TAF3: variants seen among roughly 807,000 people sequenced by gnomAD.
TAF3 encodes the protein TATA-box binding protein associated factor 3.
Under a neutral mutation model 80.6 loss-of-function variants are expected in TAF3, and 7 were observed. That is an observed-to-expected ratio of 0.09 (90% CI 0.05 to 0.16). TAF3 has a LOEUF of 0.16. TAF3 is among the 10% of genes least tolerant of loss of function. The probability of loss-of-function intolerance (pLI) is 1.00; values close to 1 mark genes in which losing one functional copy is unlikely to be tolerated. For missense variants in TAF3, 921 were observed against 1,140.2 expected, an observed-to-expected ratio of 0.81 and a Z score of 2.77; for synonymous variants, 444 against 446.1, an observed-to-expected ratio of 1.00 and a Z score of 0.06.
chr10:7,965,777 A>G, intron 3 of TAF3, 35 bp downstream of exon 3: 1 of 1,492,954 alleles, frequency 6.7e-7, no homozygotes, highest in Non-Finnish European at 8.9e-7. Flanking sequence ...CTATCTGAAC[A>G]GAGTCCTAGT....
chr10:7,948,783 T>A (rs774274813), intron 2 of TAF3, among the ~76,000 whole-genome samples: 2 of 152,252 alleles, frequency 1.3e-5, no homozygotes, highest in Non-Finnish European at 2.9e-5. Flanking sequence ...AACTAATGTT[T>A]ATCTTACCAG....
intron 2 of TAF3, among the ~76,000 whole-genome samples, chr10:7,958,077 A>G (rs924712595): frequency 6.6e-6 from 1 of 152,240 alleles, no homozygotes; most frequent in African/African-American, 2.4e-5. Context: ...TGATCATTAT[A>G]CACATGCATG....
chr10:7,932,442 CAA>C (rs1246119603), intron 2 of TAF3, among the ~76,000 whole-genome samples: 1 of 151,972 alleles, frequency 6.6e-6, no homozygotes, highest in Non-Finnish European at 1.5e-5. Context: ...ATCCAAAGGT[CAA>C]GAGACAGACT....
At chr10:7,852,097 C>G (rs1837032627) in intron 2 of TAF3, among the ~76,000 whole-genome samples, 1 of 151,976 alleles carries the variant, frequency 6.6e-6, no homozygotes, top group African/African-American at 2.4e-5. Context: ...CCCCCACCAT[C>G]TCCCAGAGAC....
chr10:7,823,835 G>A (rs1327726110), intron 1 of TAF3, among the ~76,000 whole-genome samples: 7 of 151,566 alleles, frequency 4.6e-5, no homozygotes, highest in African/African-American at 9.7e-5. Context: ...GGGTTTCACC[G>A]TGTTGACCAG....
intron 2 of TAF3, among the ~76,000 whole-genome samples, chr10:7,857,765 T>C (rs1837095275): frequency 7.3e-6 from 1 of 136,410 alleles, no homozygotes; most frequent in Non-Finnish European, 1.6e-5. Flanking sequence ...CCTCAGTATC[T>C]TAAGTGATGT....
At position 7,823,692 on chromosome 10, in the gene TAF3, T is replaced by C. The variant is rs900724796; in HGVS notation, c.167-626T>C. 2.0e-5 allele frequency among the ~76,000 whole-genome samples: 3 copies of C among 150,354 alleles called. No individual in the cohort carries two copies. The East Asian group carries it at 5.9e-4, about 30-fold the overall frequency. On this transcript the variant is annotated intron_variant, in intron 1 of 6. Transcript: ENST00000344293. ...CTCTGTTGCCCAGGCTAGAGTGTAG[T>C]GGCACGATCTCGGCTCACTGCAACC...
intron 2 of TAF3, among the ~76,000 whole-genome samples, chr10:7,838,761 A>T (rs1188102207): frequency 6.6e-6 from 1 of 151,890 alleles, no homozygotes; most frequent in Non-Finnish European, 1.5e-5. Context: ...AGCCTCCTCC[A>T]CACCCAGCCT....
At chr10:8,003,445 A>G in intron 4 of TAF3, among the ~76,000 whole-genome samples, 1 of 152,214 alleles carries the variant, frequency 6.6e-6, no homozygotes, top group Non-Finnish European at 1.5e-5. Context: ...CACTTGGAAG[A>G]TCTTTATAAG....
At chr10:7,898,991 C>G (rs1837533050) in intron 2 of TAF3, among the ~76,000 whole-genome samples, 1 of 152,076 alleles carries the variant, frequency 6.6e-6, no homozygotes, top group African/African-American at 2.4e-5. Context: ...CTTTAAAAAC[C>G]ATTAATGTCA....
At chr10:7,924,796 TAAAG>T (rs1837799871) in intron 2 of TAF3, among the ~76,000 whole-genome samples, 1 of 152,060 alleles carries the variant, frequency 6.6e-6, no homozygotes, top group African/African-American at 2.4e-5. Context: ...ATTTTAAACT[TAAAG>T]AAAAACCCCT....
chr10:7,941,242 G>T (rs1261461181), intron 2 of TAF3, among the ~76,000 whole-genome samples: 2 of 152,196 alleles, frequency 1.3e-5, no homozygotes, highest in African/African-American at 4.8e-5. Context: ...TTGCTGACAG[G>T]TAGAATGTCT....
intron 2 of TAF3, among the ~76,000 whole-genome samples, chr10:7,825,489 C>A (rs1564341287): frequency 6.6e-6 from 1 of 152,180 alleles, no homozygotes; most frequent in Non-Finnish European, 1.5e-5. Flanking sequence ...ACATAACTCC[C>A]CATTCTCCAC....
intron 2 of TAF3, among the ~76,000 whole-genome samples, chr10:7,890,950 G>A (rs1837452343): frequency 6.6e-6 from 1 of 152,234 alleles, no homozygotes; most frequent in African/African-American, 2.4e-5. Flanking sequence ...GGAAAAACTA[G>A]TTTGAGAACA....
At chr10:7,850,852 T>A (rs1837020463) in intron 2 of TAF3, among the ~76,000 whole-genome samples, 1 of 152,196 alleles carries the variant, frequency 6.6e-6, no homozygotes, top group Non-Finnish European at 1.5e-5. Flanking sequence ...TGTACTGTCA[T>A]CTCTGTGTTT....
chr10:7,963,824 A>G, intron 2 of TAF3, 96 bp from the exon 3 acceptor site: 1 of 1,254,558 alleles, frequency 8.0e-7, no homozygotes, highest in Non-Finnish European at 1.1e-6. Context: ...AAAAGAAAGA[A>G]AAAAGAAATC....
chr10:7,863,113 CTG>C lies in TAF3; in HGVS notation c.409+38556_409+38557del, dbSNP rs572037917. ...ATGTCTTCTGTGAAAATCCAGGAAA[CTG>C]TGGTGGACTAACTTCTTGGAAGTAG... is the stretch of plus-strand genomic sequence containing the variant. On this transcript the variant is annotated intron_variant, in intron 2 of 6. Coordinates refer to ENST00000344293, the MANE Select transcript of TAF3 (RefSeq NM_031923.4). Among the ~76,000 whole-genome samples, 243 of 152,276 alleles carry C rather than the reference CTG, an allele frequency of 1.6e-3. 1 individual carries two copies. The highest frequency in any genetic ancestry group is 0.014 in the Middle Eastern group (4 of 294).
At chr10:7,853,767 C>T (rs1236573595) in intron 2 of TAF3, among the ~76,000 whole-genome samples, 1 of 152,180 alleles carries the variant, frequency 6.6e-6, no homozygotes, top group South Asian at 2.1e-4. Flanking sequence ...GTGACAGAGA[C>T]TGTATATCCC....
chr10:8,008,803 T>C (rs999929535), intron 4 of TAF3, among the ~76,000 whole-genome samples: 2 of 152,160 alleles, frequency 1.3e-5, no homozygotes, highest in Non-Finnish European at 2.9e-5. Flanking sequence ...AACAGGCAAT[T>C]GAAGTCATAT....
Sources: allele counts gnomAD v4.1 joint callset (sites outside exome capture counted in the v4.1 genomes callset), GRCh38; gene constraint gnomAD v4.1.1; transcripts MANE v1.5; gene names NCBI Gene and HGNC (gene_info 2026-07-23, HGNC 2026-07-21).